MYO6: variants seen among roughly 807,000 people sequenced by gnomAD.
The protein encoded by MYO6 is myosin VI.
In MYO6, 74 loss-of-function variants were observed where a neutral mutation model predicts 178.7. That is an observed-to-expected ratio of 0.41 (90% CI 0.34 to 0.50). The LOEUF (loss-of-function observed/expected upper bound fraction) is 0.50, where lower values mean the gene tolerates loss of function less well. MYO6 is among the 20% of genes least tolerant of loss of function. MYO6 has a pLI of 0.09. For missense variants in MYO6, 1,330 were observed against 1,547.4 expected, an observed-to-expected ratio of 0.86 and a Z score of 2.36; for synonymous variants, 477 against 504.6, an observed-to-expected ratio of 0.95 and a Z score of 0.73.
chr6:75,891,448 T>C (rs892297604), intron 27 of MYO6, 142 bp downstream of exon 27: 7 of 535,084 alleles, frequency 1.3e-5, no homozygotes, highest in South Asian at 5.1e-5. Flanking sequence ...CTGGCTAACA[T>C]GGTGAAACCC....
intron 1 of MYO6, among the ~76,000 whole-genome samples, chr6:75,815,519 A>G (rs1771129594): frequency 6.6e-6 from 1 of 152,210 alleles, no homozygotes; most frequent in African/African-American, 2.4e-5. Context: ...ATGATTAGGG[A>G]AAGAGTATAG....
chr6:75,802,305 C>G (rs1018884218), intron 1 of MYO6, among the ~76,000 whole-genome samples: 1 of 151,494 alleles, frequency 6.6e-6, no homozygotes, highest in Non-Finnish European at 1.5e-5. Context: ...CCTGTCTCTA[C>G]TAAAAATACA....
At chr6:75,875,968 A>G (rs1044189034) in intron 20 of MYO6, among the ~76,000 whole-genome samples, 11 of 152,048 alleles carry the variant, frequency 7.2e-5, no homozygotes, top group African/African-American at 2.7e-4. Context: ...GTGTGTCCCT[A>G]GCTTCATTTG....
chr6:75,826,969 A>G (rs1772538325), intron 3 of MYO6, among the ~76,000 whole-genome samples: 1 of 152,178 alleles, frequency 6.6e-6, no homozygotes, highest in Non-Finnish European at 1.5e-5. Context: ...TTAAATGATT[A>G]TAGATGGATG....
chr6:75,916,322 A>G lies in MYO6; in HGVS notation c.*1310A>G, dbSNP rs1047721912. 1.3e-5 allele frequency: 2 copies of G among 152,456 alleles called. No individual in the cohort carries two copies. Among genetic ancestry groups the G allele is most frequent in the Non-Finnish European group, 2.9e-5 (2 of 68,034 alleles). The allele number at this position is 152,456 out of a possible 1,614,324, so 9.4% of individuals were successfully genotyped here. A position where few individuals can be genotyped will look rare whatever the true frequency, so the allele number is the denominator to read the frequency against. ...GATTTCTTTTTTCCCTAGAAAGATT[A>G]CCTCAGTTAGGGAAGTATTTCCCAG... On this transcript the variant is annotated 3_prime_UTR_variant, in exon 35 of 35. Coordinates refer to ENST00000369977, the MANE Select transcript of MYO6 (RefSeq NM_004999.4).
chr6:75,877,018 A>G (rs1418216245), intron 20 of MYO6, among the ~76,000 whole-genome samples: 1 of 151,882 alleles, frequency 6.6e-6, no homozygotes, highest in African/African-American at 2.4e-5. Flanking sequence ...CTTGTTGCCT[A>G]GGCTGGAGTG....
At chr6:75,858,064 T>C (rs1055910932) in intron 13 of MYO6, among the ~76,000 whole-genome samples, 1 of 150,376 alleles carries the variant, frequency 6.6e-6, no homozygotes, top group Non-Finnish European at 1.5e-5. Flanking sequence ...TAGAGAATTA[T>C]TATTATTATT....
At chr6:75,848,608 CTT>C (rs1774959519) in intron 11 of MYO6, 77 bp downstream of exon 11, 6 of 1,436,114 alleles carry the variant, frequency 4.2e-6, no homozygotes, top group African/African-American at 1.5e-5. Context: ...AAAATTGTCT[CTT>C]TATATGCAGT....
chr6:75,859,762 C>T (rs373831424), intron 14 of MYO6, among the ~76,000 whole-genome samples: 5 of 151,006 alleles, frequency 3.3e-5, no homozygotes, highest in Non-Finnish European at 2.9e-5. Flanking sequence ...CAGGTTCAAG[C>T]GATTCTCCTG....
chr6:75,758,954 C>A (rs897696373), intron 1 of MYO6, among the ~76,000 whole-genome samples: 3 of 151,588 alleles, frequency 2.0e-5, no homozygotes, highest in African/African-American at 4.8e-5. Context: ...ACTGCAATCT[C>A]CCCCTCCCAG....
At chr6:75,891,412 C>T (rs1246072392) in intron 27 of MYO6, 106 bp downstream of exon 27, 3 of 726,476 alleles carry the variant, frequency 4.1e-6, no homozygotes, top group South Asian at 3.0e-5. Context: ...GCGGGCGGAT[C>T]ACGAGGTCAG....
intron 1 of MYO6, among the ~76,000 whole-genome samples, chr6:75,801,091 C>G (rs548051909): frequency 6.6e-6 from 1 of 152,138 alleles, no homozygotes; most frequent in Admixed American, 6.6e-5. Context: ...TGTTTAAAGC[C>G]GTAAGACTAG....
intron 1 of MYO6, among the ~76,000 whole-genome samples, chr6:75,764,355 C>T (rs185953245): frequency 1.1e-4 from 17 of 152,290 alleles, no homozygotes; most frequent in African/African-American, 4.1e-4. Flanking sequence ...CTCCTTTCTC[C>T]TTAGTCTTGT....
chr6:75,901,764 G>A (rs553308353), intron 30 of MYO6, among the ~76,000 whole-genome samples: 111 of 152,244 alleles, frequency 7.3e-4, no homozygotes, highest in African/African-American at 2.6e-3. Flanking sequence ...ACACTATGTT[G>A]AATAGGAGTG....
chr6:75,792,055 T>C (rs1314934870), intron 1 of MYO6, among the ~76,000 whole-genome samples: 1 of 152,232 alleles, frequency 6.6e-6, no homozygotes. Context: ...CTCTGTTATG[T>C]GGCTATGGAT....
intron 1 of MYO6, among the ~76,000 whole-genome samples, chr6:75,770,061 C>T (rs187208454): frequency 1.4e-4 from 22 of 152,254 alleles, no homozygotes; most frequent in African/African-American, 5.1e-4. Context: ...GGGCTCAGAC[C>T]CCACATTTCC....
At chr6:75,868,277 T>G (rs1776858122) in intron 18 of MYO6, among the ~76,000 whole-genome samples, 1 of 151,852 alleles carries the variant, frequency 6.6e-6, no homozygotes, top group African/African-American at 2.4e-5. Context: ...GTTATATTCA[T>G]TATTATGAGT....
At chr6:75,819,261 A>T (rs895606428) in intron 2 of MYO6, among the ~76,000 whole-genome samples, 2 of 152,186 alleles carry the variant, frequency 1.3e-5, no homozygotes, top group Non-Finnish European at 2.9e-5. Context: ...GTTCTCAGAG[A>T]TTACCTTTAA....
At chr6:75,774,546 A>C (rs911813584) in intron 1 of MYO6, among the ~76,000 whole-genome samples, 2 of 152,172 alleles carry the variant, frequency 1.3e-5, no homozygotes, top group Non-Finnish European at 1.5e-5. Flanking sequence ...AGACCTTTAA[A>C]TATTGAAATA....
Sources: gnomAD v4.1 joint callset for allele counts (sites outside exome capture counted in the v4.1 genomes callset) on GRCh38, gnomAD v4.1.1 for gene constraint, MANE v1.5 for transcripts, NCBI Gene and HGNC (gene_info 2026-07-23, HGNC 2026-07-21) for gene names.